Variants in NIBAN1 observed in about 807,000 individuals in gnomAD.
NIBAN1 encodes the protein protein Niban 1.
Under a neutral mutation model 75.1 loss-of-function variants are expected in NIBAN1, and 81 were observed. The observed-to-expected ratio is 1.08, with a 90% CI of 0.90 to 1.30. The LOEUF (loss-of-function observed/expected upper bound fraction) is 1.30, where lower values mean the gene tolerates loss of function less well. Ranked by LOEUF, NIBAN1 falls within the 50% of genes most tolerant of loss-of-function variation. The pLI is 0.00. For missense variants in NIBAN1, 1,133 were observed against 1,128.1 expected, an observed-to-expected ratio of 1.00 and a Z score of -0.06; for synonymous variants, 436 against 424.8, an observed-to-expected ratio of 1.03 and a Z score of -0.32.
At chr1:184,947,652 C>T (rs1658264435) in intron 1 of NIBAN1, among the ~76,000 whole-genome samples, 1 of 152,196 alleles carries the variant, frequency 6.6e-6, no homozygotes, top group South Asian at 2.1e-4. Flanking sequence ...AGACAGGAGC[C>T]TTGTGCTGAC....
chr1:184,864,815 C>T (rs553852804), intron 5 of NIBAN1, among the ~76,000 whole-genome samples: 3 of 151,080 alleles, frequency 2.0e-5, no homozygotes, highest in East Asian at 3.9e-4. Context: ...GACATACAAA[C>T]GGCCAACAAA....
At chr1:184,911,090 CAT>C (rs1553227054) in intron 1 of NIBAN1, among the ~76,000 whole-genome samples, 67 of 150,676 alleles carry the variant, frequency 4.4e-4, no homozygotes, top group Middle Eastern at 6.8e-3. Flanking sequence ...CACACACACA[CAT>C]ATATATATAT....
At chr1:184,934,920 A>G (rs540912807) in intron 1 of NIBAN1, among the ~76,000 whole-genome samples, 42 of 147,696 alleles carry the variant, frequency 2.8e-4, no homozygotes, top group African/African-American at 1.0e-3. Flanking sequence ...ATAAATAAAA[A>G]TTAGCCGGGC....
intron 1 of NIBAN1, among the ~76,000 whole-genome samples, chr1:184,915,754 T>A (rs1657369159): frequency 1.3e-5 from 2 of 152,020 alleles, no homozygotes; most frequent in Admixed American, 1.3e-4. Flanking sequence ...ATAACAGATA[T>A]AAAAGGGAAA....
chr1:184,896,683 A>G (rs913539357), intron 2 of NIBAN1, among the ~76,000 whole-genome samples: 1 of 152,090 alleles, frequency 6.6e-6, no homozygotes, highest in Non-Finnish European at 1.5e-5. Flanking sequence ...CAGGACTTAC[A>G]CTTAGGTTTT....
chr1:184,832,203 T>C (rs1655018147), intron 5 of NIBAN1, among the ~76,000 whole-genome samples: 1 of 152,226 alleles, frequency 6.6e-6, no homozygotes, highest in Admixed American at 6.5e-5. Flanking sequence ...TGGTTAGGAC[T>C]AGAAGGAGGC....
intron 5 of NIBAN1, among the ~76,000 whole-genome samples, chr1:184,881,740 G>A (rs1010362245): frequency 2.6e-5 from 4 of 152,180 alleles, no homozygotes; most frequent in African/African-American, 9.6e-5. Flanking sequence ...GTAACTTCCT[G>A]ACGTTGCCAT....
intron 5 of NIBAN1, among the ~76,000 whole-genome samples, chr1:184,857,126 A>G (rs1021248658): frequency 6.6e-6 from 1 of 152,238 alleles, no homozygotes; most frequent in South Asian, 2.1e-4. Context: ...CAGACATAAA[A>G]CTATGTGGTT....
At chr1:184,798,419 T>C (rs1477917437) in intron 12 of NIBAN1, among the ~76,000 whole-genome samples, 1 of 152,214 alleles carries the variant, frequency 6.6e-6, no homozygotes, top group East Asian at 1.9e-4. Context: ...TCTATTACTG[T>C]CCATGATAAG....
intron 9 of NIBAN1, among the ~76,000 whole-genome samples, chr1:184,815,318 A>C (rs911128963): frequency 2.0e-5 from 3 of 152,200 alleles, no homozygotes; most frequent in Non-Finnish European, 2.9e-5. Flanking sequence ...ATCTTCTGAA[A>C]ACATCAGAGA....
chr1:184,959,518 T>C (rs1658576122), intron 1 of NIBAN1, among the ~76,000 whole-genome samples: 1 of 152,240 alleles, frequency 6.6e-6, no homozygotes, highest in African/African-American at 2.4e-5. Flanking sequence ...TCTTTATACT[T>C]GTGGATATTT....
intron 6 of NIBAN1, among the ~76,000 whole-genome samples, chr1:184,825,656 C>T (rs1654822726): frequency 6.6e-6 from 1 of 152,222 alleles, no homozygotes; most frequent in African/African-American, 2.4e-5. Flanking sequence ...TGAATCTGAG[C>T]AGTATTCTAC....
intron 5 of NIBAN1, among the ~76,000 whole-genome samples, chr1:184,853,669 C>T (rs1557888084): frequency 6.6e-6 from 1 of 152,080 alleles, no homozygotes; most frequent in Non-Finnish European, 1.5e-5. Context: ...CTTATCCTTC[C>T]CACTGAATCT....
intron 5 of NIBAN1, among the ~76,000 whole-genome samples, chr1:184,873,375 T>C (rs1268465581): frequency 6.6e-6 from 1 of 152,188 alleles, no homozygotes; most frequent in African/African-American, 2.4e-5. Context: ...ATTGGCATAT[T>C]GATTATTTTG....
chr1:184,967,219 CTGTGTGTGTG>C (rs761768686), intron 1 of NIBAN1, among the ~76,000 whole-genome samples: 1 of 151,140 alleles, frequency 6.6e-6, no homozygotes, highest in Non-Finnish European at 1.5e-5. Flanking sequence ...CTCTCTCTCT[CTGTGTGTGTG>C]TGTGTGTGTG....
intron 12 of NIBAN1, among the ~76,000 whole-genome samples, chr1:184,798,561 G>C (rs1653942397): frequency 2.0e-5 from 3 of 152,090 alleles, no homozygotes. Flanking sequence ...CAGGTTTGGA[G>C]CCTCCTTTTT....
At chr1:184,832,569 G>C (rs2102238246) in intron 5 of NIBAN1, among the ~76,000 whole-genome samples, 1 of 152,314 alleles carries the variant, frequency 6.6e-6, no homozygotes, top group South Asian at 2.1e-4. Flanking sequence ...GGAGACTGAG[G>C]CACAGAAAGA....
At chr1:184,803,796 G>A (rs1654114267) in intron 11 of NIBAN1, 104 bp from the exon 12 acceptor site, 2 of 879,802 alleles carry the variant, frequency 2.3e-6, no homozygotes, top group Non-Finnish European at 1.8e-6. Context: ...TCCTCCTAAT[G>A]TCTGAGAACT....
At chr1:184,804,879 C>T (rs907615769) in intron 11 of NIBAN1, among the ~76,000 whole-genome samples, 2 of 152,018 alleles carry the variant, frequency 1.3e-5, no homozygotes, top group Non-Finnish European at 2.9e-5. Flanking sequence ...AGCTCCACCT[C>T]CCAGGTTCAC....
Sources: allele counts gnomAD v4.1 joint callset (sites outside exome capture counted in the v4.1 genomes callset), GRCh38; gene constraint gnomAD v4.1.1; transcripts MANE v1.5; gene names NCBI Gene and HGNC (gene_info 2026-07-23, HGNC 2026-07-21).